Variants in SEPTIN7 observed in about 807,000 individuals in gnomAD.
SEPTIN7 encodes septin-7.
A neutral mutation model predicts 63.3 loss-of-function variants in SEPTIN7; 10 were observed. The ratio of observed to expected loss-of-function variants is 0.16; its 90% CI spans 0.10 to 0.27. The LOEUF (loss-of-function observed/expected upper bound fraction) is 0.27, where lower values mean the gene tolerates loss of function less well. Among genes scored for constraint, SEPTIN7 ranks in the 10% least tolerant of loss-of-function variants. The pLI is 1.00. For missense variants in SEPTIN7, 310 were observed against 521.0 expected, an observed-to-expected ratio of 0.59 and a Z score of 3.94; for synonymous variants, 131 against 165.3, an observed-to-expected ratio of 0.79 and a Z score of 1.59.
intron 12 of SEPTIN7, chr7:35,902,351 A>G (rs1788375988): frequency 6.6e-6 from 1 of 152,066 alleles, no homozygotes; most frequent in African/African-American, 2.4e-5. Flanking sequence ...CATTCTTTAC[A>G]GTATTAATAC....
At chr7:35,878,251 T>C (rs186879086) in intron 6 of SEPTIN7, among the ~76,000 whole-genome samples, 92 of 151,960 alleles carry the variant, frequency 6.1e-4, no homozygotes, top group African/African-American at 2.1e-3. Flanking sequence ...TCCTAAAGGA[T>C]GAATAGGAAT....
chr7:35,821,780 A>G (rs1030352424), intron 1 of SEPTIN7, among the ~76,000 whole-genome samples: 11 of 152,038 alleles, frequency 7.2e-5, no homozygotes, highest in African/African-American at 2.7e-4. Flanking sequence ...TCACTTTATT[A>G]TTTTTATTTT....
At chr7:35,832,707 T>C in intron 2 of SEPTIN7, 91 bp from the exon 3 acceptor site, 1 of 788,008 alleles carries the variant, frequency 1.3e-6, no homozygotes, top group Non-Finnish European at 2.3e-6. Context: ...ATAGTATAAT[T>C]TTCTAAAATA....
At chr7:35,880,223 C>CTTTTTTT in intron 7 of SEPTIN7, among the ~76,000 whole-genome samples, 4 of 72,782 alleles carry the variant, frequency 5.5e-5, no homozygotes, top group Non-Finnish European at 7.8e-5. Flanking sequence ...TTTTTCTTTT[C>CTTTTTTT]TTTTTTTTTT....
chr7:35,875,971 A>G (rs1241155713), intron 6 of SEPTIN7, among the ~76,000 whole-genome samples: 1 of 152,204 alleles, frequency 6.6e-6, no homozygotes, highest in Non-Finnish European at 1.5e-5. Context: ...ATATAAAACT[A>G]AATGGACAGA....
intron 3 of SEPTIN7, among the ~76,000 whole-genome samples, chr7:35,853,353 C>T (rs1352417673): frequency 1.3e-5 from 2 of 152,120 alleles, no homozygotes; most frequent in Non-Finnish European, 2.9e-5. Context: ...TTGAGCCCAG[C>T]AGGCAGAAAT....
At chr7:35,890,394 G>C (rs1175126460) in intron 10 of SEPTIN7, 9 of 195,140 alleles carry the variant, frequency 4.6e-5, no homozygotes. Flanking sequence ...CTCTTTCATA[G>C]AAAGGTCATC....
intron 10 of SEPTIN7, among the ~76,000 whole-genome samples, chr7:35,889,214 T>C (rs1787483009): frequency 6.6e-6 from 1 of 152,226 alleles, no homozygotes; most frequent in African/African-American, 2.4e-5. Context: ...GCATGAACTG[T>C]TCAGTGTCAG....
chr7:35,854,271 G>A (rs1785093584), intron 3 of SEPTIN7, among the ~76,000 whole-genome samples: 2 of 152,162 alleles, frequency 1.3e-5, no homozygotes, highest in South Asian at 2.1e-4. Context: ...TAAAATACTG[G>A]CACACAGAAG....
intron 1 of SEPTIN7, among the ~76,000 whole-genome samples, chr7:35,806,610 C>G (rs1325732956): frequency 6.6e-6 from 1 of 152,236 alleles, no homozygotes; most frequent in Non-Finnish European, 1.5e-5. Context: ...TGTGCATACA[C>G]ACATCTTGTA....
At chr7:35,852,265 C>T (rs1785000685) in intron 3 of SEPTIN7, among the ~76,000 whole-genome samples, 1 of 152,010 alleles carries the variant, frequency 6.6e-6, no homozygotes, top group Non-Finnish European at 1.5e-5. Context: ...GTATGGTTTG[C>T]CCAAGGTCAC....
chr7:35,865,625 A>G (rs1266838304), intron 4 of SEPTIN7, among the ~76,000 whole-genome samples: 2 of 152,158 alleles, frequency 1.3e-5, no homozygotes, highest in African/African-American at 4.8e-5. Flanking sequence ...TTGTGTGTGC[A>G]TAAAGATATA....
intron 3 of SEPTIN7, among the ~76,000 whole-genome samples, chr7:35,853,020 A>G (rs1785035708): frequency 6.6e-6 from 1 of 152,158 alleles, no homozygotes; most frequent in African/African-American, 2.4e-5. Flanking sequence ...CAAATTAAAG[A>G]TTTGACAAGC....
At chr7:35,824,920 T>C (rs1278999930) in intron 1 of SEPTIN7, among the ~76,000 whole-genome samples, 2 of 152,214 alleles carry the variant, frequency 1.3e-5, no homozygotes, top group African/African-American at 4.8e-5. Context: ...AAATATGATA[T>C]TTTACACTTA....
intron 1 of SEPTIN7, among the ~76,000 whole-genome samples, chr7:35,803,850 A>G (rs1174216342): frequency 6.6e-6 from 1 of 152,228 alleles, no homozygotes; most frequent in African/African-American, 2.4e-5. Flanking sequence ...TTAGTTCGCT[A>G]TATGAGAGCA....
chr7:35,859,442 C>G (rs1374152869), intron 3 of SEPTIN7, among the ~76,000 whole-genome samples: 1 of 152,106 alleles, frequency 6.6e-6, no homozygotes, highest in East Asian at 1.9e-4. Flanking sequence ...TTTACATGTC[C>G]TTGAGAAAAG....
At chr7:35,888,986 A>C in intron 10 of SEPTIN7, 1 of 257,358 alleles carries the variant, frequency 3.9e-6, no homozygotes, top group Non-Finnish European at 8.2e-6. Flanking sequence ...TAAAATTCCT[A>C]TCATCTGCTA....
At chr7:35,893,594 T>C (rs1256058539) in intron 11 of SEPTIN7, among the ~76,000 whole-genome samples, 1 of 152,192 alleles carries the variant, frequency 6.6e-6, no homozygotes, top group African/African-American at 2.4e-5. Context: ...AGTGAATTTC[T>C]CAGAATGTAT....
intron 4 of SEPTIN7, among the ~76,000 whole-genome samples, chr7:35,865,738 CATTTT>C: frequency 6.6e-6 from 1 of 152,098 alleles, no homozygotes; most frequent in East Asian, 1.9e-4. Context: ...TATTTTCTGT[CATTTT>C]ATTCCTGATT....
Sources: gnomAD v4.1 joint callset for allele counts (sites outside exome capture counted in the v4.1 genomes callset) on GRCh38, gnomAD v4.1.1 for gene constraint, MANE v1.5 for transcripts, NCBI Gene and HGNC (gene_info 2026-07-23, HGNC 2026-07-21) for gene names.